TPH1: variants seen among roughly 807,000 people sequenced by gnomAD.
TPH1 encodes tryptophan hydroxylase 1.
A neutral mutation model predicts 49.5 loss-of-function variants in TPH1; 37 were observed. That is an observed-to-expected ratio of 0.75 (90% CI 0.58 to 0.98). TPH1 has a LOEUF of 0.98. Ranked by LOEUF, TPH1 falls within the 50% of genes least tolerant of loss-of-function variation. The pLI is 0.00. For missense variants in TPH1, 487 were observed against 523.6 expected, an observed-to-expected ratio of 0.93 and a Z score of 0.68; for synonymous variants, 160 against 182.1, an observed-to-expected ratio of 0.88 and a Z score of 0.98.
In TPH1 at chr11:18,022,826, T is replaced by C; in HGVS notation, c.1132A>G (p.Ser378Gly). Residue 378 changes from serine to glycine, a missense_variant, in exon 10 of 11, where the codon AGT becomes GGT. By Grantham distance (56) the Ser-to-Gly change is moderately conservative. Coordinates refer to ENST00000682019, the MANE Select transcript of TPH1 (RefSeq NM_004179.3). ...TFQDVYFVSE[S>G]FEDAKEKMRE... ...ATCTTCTCCTTTGCATCTTCAAAAC[T>C]TTCAGATACAAAGTAGACATCTTGA... is the stretch of plus-strand genomic sequence containing the variant. 6.2e-7 allele frequency: 1 copy of C among 1,613,458 alleles called. No homozygotes were observed. The highest frequency in any genetic ancestry group is 8.5e-7 in the Non-Finnish European group (1 of 1,179,556).
intron 4 of TPH1, among the ~76,000 whole-genome samples, chr11:18,031,838 T>C (rs761793628): frequency 6.6e-6 from 1 of 152,208 alleles, no homozygotes; most frequent in African/African-American, 2.4e-5. Flanking sequence ...CGCCTTTCTC[T>C]GATCTCTTCA....
At chr11:18,030,944 A>G (rs2134029515) in intron 4 of TPH1, among the ~76,000 whole-genome samples, 1 of 152,294 alleles carries the variant, frequency 6.6e-6, no homozygotes, top group African/African-American at 2.4e-5. Context: ...GGGTAATGGG[A>G]ACCCACTGGT....
At chr11:18,022,673 G>A (rs1337612142) in intron 10 of TPH1, 125 bp downstream of exon 10, 1 of 962,424 alleles carries the variant, frequency 1.0e-6, no homozygotes, top group Non-Finnish European at 1.6e-6. Flanking sequence ...AAAGGAAGAT[G>A]TGTTACAGAC....
chr11:18,025,876 CCACT>C (rs1242658672), intron 7 of TPH1, among the ~76,000 whole-genome samples, 175 bp from the exon 8 acceptor site: 2 of 152,108 alleles, frequency 1.3e-5, no homozygotes, highest in African/African-American at 2.4e-5. Context: ...AAAACCTTGG[CCACT>C]CAGACTCACA....
In TPH1 at chr11:18,020,984, G is replaced by A; in HGVS notation, c.*7C>T. The stretch of plus-strand genomic sequence containing the variant: ...ATGCTCAAATGTTCCTGGATGACTG[G>A]CTACTGTTAGATACTCGGCTTCCTG... On this transcript the variant is annotated 3_prime_UTR_variant, in exon 11 of 11. Coordinates refer to ENST00000682019, the MANE Select transcript of TPH1 (RefSeq NM_004179.3). 1 of 1,613,718 alleles carries A rather than the reference G, an allele frequency of 6.2e-7. No individual in the cohort carries two copies. The highest frequency in any genetic ancestry group is 8.5e-7 in the Non-Finnish European group (1 of 1,179,766).
Position 18,026,499 on chromosome 11 carries a change from G to T in TPH1, c.794C>A (p.Thr265Asn). The T allele has an allele frequency of 6.2e-7, 1 of 1,613,754 alleles. No homozygotes were observed. Among genetic ancestry groups the T allele is most frequent in the Non-Finnish European group, 8.5e-7 (1 of 1,179,896 alleles). The change falls in exon 7 of 11, where the codon ACC becomes AAC. Residue 265 changes from threonine (T) to asparagine (N), a missense_variant. Physicochemically the swap from Thr to Asn is moderately conservative, Grantham distance 65. Transcript: ENST00000682019. ...YVRHSSDPFY[T>N]PEPDTCHELL... Reference sequence around the variant, plus strand: ...AAATAGAAGTACTTACGGCTCTGGGGTATAGAAGGGATCTGAACTGTGTCT... The same window carrying T: ...AAATAGAAGTACTTACGGCTCTGGGTTATAGAAGGGATCTGAACTGTGTCT...
Position 18,018,111 on chromosome 11 carries a change from CAGGTTGCAGCG to C in TPH1, c.*2869_*2879del, listed in dbSNP as rs1254016189. On this transcript the variant is annotated 3_prime_UTR_variant, in exon 11 of 11. Coordinates refer to ENST00000682019, the MANE Select transcript of TPH1 (RefSeq NM_004179.3). ...GCATGGTGAAGCACGCCTGCAGTCC[CAGGTTGCAGCG>C]AGCTGAAATCACGCAACTGCGCTCC... 1 of 151,832 alleles carries C rather than the reference CAGGTTGCAGCG, an allele frequency of 6.6e-6. No homozygotes were observed. The highest frequency in any genetic ancestry group is 1.5e-5 in the Non-Finnish European group (1 of 67,972). 9.4% of individuals were successfully genotyped at this position (151,832 alleles called of 1,614,324 possible). A position where few individuals can be genotyped will look rare whatever the true frequency, so the allele number is the denominator to read the frequency against.
At chr11:18,046,200 C>T (rs1344910900) in intron 1 of TPH1, among the ~76,000 whole-genome samples, 41 bp downstream of exon 1, 1 of 152,156 alleles carries the variant, frequency 6.6e-6, no homozygotes, top group African/African-American at 2.4e-5. Flanking sequence ...AAAGCCTCGA[C>T]GGCGGTCCCC....
Position 18,029,272 on chromosome 11 carries a change from G to A in TPH1, c.560C>T (p.Thr187Ile), listed in dbSNP as rs750094287. ...TTTGAGATACTCTCTGCAAGCATGG[G>A]TTGGGTAGAGTTTGTTGAGCTCTTG... ...VFQELNKLYP[T>I]HACREYLKNL... Residue 187 changes from threonine to isoleucine, a missense_variant, in exon 6 of 11, where the codon ACC becomes ATC. Thr to Ile is a moderately conservative substitution (Grantham distance 89, BLOSUM62 -1). Transcript: ENST00000682019. 2 of 1,613,910 alleles carry A rather than the reference G, an allele frequency of 1.2e-6. No homozygotes were observed. Among genetic ancestry groups the A allele is most frequent in the East Asian group, 4.5e-5 (2 of 44,854 alleles).
At chr11:18,033,503 G>T in intron 3 of TPH1, 129 bp from the exon 4 acceptor site, 1 of 731,678 alleles carries the variant, frequency 1.4e-6, no homozygotes, top group Non-Finnish European at 2.3e-6. Flanking sequence ...GTACATCAAG[G>T]CAAGATTTAT....
At chr11:18,036,754 A>C (rs1848051117) in intron 2 of TPH1, among the ~76,000 whole-genome samples, 1 of 152,194 alleles carries the variant, frequency 6.6e-6, no homozygotes. Context: ...ATGATAATGA[A>C]ACATGAGCAC....
At chr11:18,035,524 G>A (rs1277530636) in intron 3 of TPH1, among the ~76,000 whole-genome samples, 1 of 150,836 alleles carries the variant, frequency 6.6e-6, no homozygotes, top group African/African-American at 2.4e-5. Context: ...AACCTCCTGG[G>A]CTCAGGTGAT....
At chr11:18,044,294 C>G (rs187023453) in intron 1 of TPH1, among the ~76,000 whole-genome samples, 1 of 151,706 alleles carries the variant, frequency 6.6e-6, no homozygotes, top group Non-Finnish European at 1.5e-5. Context: ...TGGTGGCGGG[C>G]GCCTGTAGTC....
intron 3 of TPH1, among the ~76,000 whole-genome samples, chr11:18,034,043 TTA>T (rs1320292929): frequency 6.6e-6 from 1 of 152,224 alleles, no homozygotes; most frequent in Non-Finnish European, 1.5e-5. Context: ...TCCTGTGATG[TTA>T]TGTTTCTCTC....
intron 1 of TPH1, among the ~76,000 whole-genome samples, chr11:18,044,847 T>C (rs2134037487): frequency 6.6e-6 from 1 of 152,238 alleles, no homozygotes; most frequent in East Asian, 1.9e-4. Flanking sequence ...CATCAATACA[T>C]AAGCATTTTA....
chr11:18,041,240 A>C (rs1848096330), intron 1 of TPH1: 1 of 157,860 alleles, frequency 6.3e-6, no homozygotes, highest in Non-Finnish European at 1.4e-5. Flanking sequence ...AGTGGGGACA[A>C]GGCTTTCTAT....
chr11:18,043,646 A>T (rs1228736058), intron 1 of TPH1, among the ~76,000 whole-genome samples: 1 of 152,006 alleles, frequency 6.6e-6, no homozygotes, highest in Non-Finnish European at 1.5e-5. Flanking sequence ...AACAACAAAA[A>T]CTATTATGAA....
intron 9 of TPH1, 170 bp from the exon 10 acceptor site, chr11:18,023,101 A>G (rs10741734): frequency 0.38 from 251,548 of 663,996 alleles, 50,523 homozygotes; most frequent in East Asian, 0.49. Context: ...TCCAGCAAAA[A>G]AAATGGCTTG....
chr11:18,044,194 C>T (rs569336486), intron 1 of TPH1, among the ~76,000 whole-genome samples: 24 of 152,184 alleles, frequency 1.6e-4, no homozygotes, highest in African/African-American at 5.3e-4. Context: ...GAGGCCGAGG[C>T]GGGCGAATCA....
Sources: gnomAD v4.1 joint callset for allele counts (sites outside exome capture counted in the v4.1 genomes callset) on GRCh38, gnomAD v4.1.1 for gene constraint, MANE v1.5 for transcripts, NCBI Gene and HGNC (gene_info 2026-07-23, HGNC 2026-07-21) for gene names.